Variants in PCCA observed in about 807,000 individuals in gnomAD.
PCCA encodes propionyl-CoA carboxylase subunit alpha.
Under a neutral mutation model 101.3 loss-of-function variants are expected in PCCA, and 74 were observed. The ratio of observed to expected loss-of-function variants is 0.73; its 90% CI spans 0.61 to 0.89. PCCA has a LOEUF of 0.89. PCCA is among the 40% of genes least tolerant of loss of function. The probability of loss-of-function intolerance (pLI) is 0.00; values close to 1 mark genes in which losing one functional copy is unlikely to be tolerated. For synonymous variants in PCCA, 294 were observed against 313.6 expected (o/e 0.94, Z 0.66); for missense variants, 891 against 907.0 (o/e 0.98, Z 0.23).
intron 2 of PCCA, among the ~76,000 whole-genome samples, chr13:100,108,209 A>C (rs902685917): frequency 1.3e-5 from 2 of 152,206 alleles, no homozygotes; most frequent in African/African-American, 4.8e-5. Context: ...GAAAAATAAC[A>C]ACAGCAAAAA....
chr13:100,453,933 C>T (rs553688291), intron 21 of PCCA, among the ~76,000 whole-genome samples: 2 of 152,272 alleles, frequency 1.3e-5, no homozygotes, highest in South Asian at 4.1e-4. Context: ...GGCGCGATCT[C>T]GATATCCGCT....
At chr13:100,218,540 T>C (rs2059645133) in intron 7 of PCCA, among the ~76,000 whole-genome samples, 1 of 152,170 alleles carries the variant, frequency 6.6e-6, no homozygotes, top group Non-Finnish European at 1.5e-5. Context: ...TCCTGGGTCA[T>C]GTGGTAATTC....
intron 16 of PCCA, among the ~76,000 whole-genome samples, chr13:100,325,555 A>G (rs752920003): frequency 2.6e-5 from 4 of 152,290 alleles, no homozygotes; most frequent in African/African-American, 7.2e-5. Flanking sequence ...AAAAAGCCAC[A>G]AGGAACATTT....
intron 17 of PCCA, among the ~76,000 whole-genome samples, chr13:100,334,192 C>G (rs1177892205): frequency 6.6e-6 from 1 of 152,144 alleles, no homozygotes; most frequent in Admixed American, 6.5e-5. Flanking sequence ...TATTGGAATA[C>G]CTCTCCGGGG....
At chr13:100,238,490 A>T (rs1482940910) in intron 8 of PCCA, among the ~76,000 whole-genome samples, 1 of 151,722 alleles carries the variant, frequency 6.6e-6, no homozygotes, top group Non-Finnish European at 1.5e-5. Context: ...TTCCCCAATT[A>T]CTCTCTCTTG....
At chr13:100,488,553 G>A (rs537044051) in intron 21 of PCCA, among the ~76,000 whole-genome samples, 2 of 151,754 alleles carry the variant, frequency 1.3e-5, no homozygotes, top group Admixed American at 6.6e-5. Context: ...CTGGAGGGTC[G>A]CATGAGCTCA....
intron 4 of PCCA, among the ~76,000 whole-genome samples, chr13:100,144,514 CTAGAT>C (rs946908431): frequency 1.3e-5 from 2 of 152,070 alleles, no homozygotes; most frequent in African/African-American, 4.8e-5. Flanking sequence ...TAGATGCTCA[CTAGAT>C]TAGTTGATGC....
chr13:100,397,078 G>A lies in PCCA; in HGVS notation c.1746+28504G>A, dbSNP rs573803665. ...CTTATTCATGGACACTCTACTGAGT[G>A]TCTGTTGCAAACTCCCTGGTATAAA... is the stretch of plus-strand genomic sequence containing the variant. On this transcript the variant is annotated intron_variant, in intron 19 of 23. Coordinates refer to ENST00000376285, the MANE Select transcript of PCCA (RefSeq NM_000282.4). 1.3e-5 allele frequency among the ~76,000 whole-genome samples: 2 copies of A among 152,260 alleles called. 1 individual carries two copies. The highest frequency in any genetic ancestry group is 1.3e-4 in the Admixed American group (2 of 15,298).
intron 4 of PCCA, among the ~76,000 whole-genome samples, chr13:100,145,942 C>T (rs1195914016): frequency 7.2e-6 from 1 of 138,984 alleles, no homozygotes; most frequent in Non-Finnish European, 1.6e-5. Context: ...GATAGTTTTG[C>T]TTTTTTTTTT....
intron 6 of PCCA, among the ~76,000 whole-genome samples, chr13:100,203,395 A>G (rs1455049484): frequency 1.3e-5 from 2 of 152,094 alleles, no homozygotes; most frequent in African/African-American, 2.4e-5. Flanking sequence ...GCCTTATAAA[A>G]ACATTGTATT....
intron 12 of PCCA, among the ~76,000 whole-genome samples, chr13:100,285,555 C>T (rs1213633815): frequency 1.3e-5 from 2 of 152,172 alleles, no homozygotes; most frequent in African/African-American, 4.8e-5. Flanking sequence ...AAGGATCTCA[C>T]TGTCTGGACT....
chr13:100,200,615 A>G (rs1005698361), intron 6 of PCCA, among the ~76,000 whole-genome samples: 42 of 150,524 alleles, frequency 2.8e-4, no homozygotes, highest in African/African-American at 9.2e-4. Flanking sequence ...TGCTTATAAT[A>G]CAATATGTTA....
intron 21 of PCCA, among the ~76,000 whole-genome samples, chr13:100,483,695 C>T (rs56210863): frequency 0.027 from 4,079 of 152,222 alleles, 191 homozygotes; most frequent in African/African-American, 0.093. Flanking sequence ...GAAATGCAAT[C>T]GGTAAATTTT....
chr13:100,499,295 GAA>G (rs1212350644), intron 21 of PCCA, among the ~76,000 whole-genome samples: 1 of 152,236 alleles, frequency 6.6e-6, no homozygotes, highest in African/African-American at 2.4e-5. Flanking sequence ...TTGTATCCCG[GAA>G]GATAATCATT....
At chr13:100,300,610 T>C (rs1280210173) in intron 12 of PCCA, among the ~76,000 whole-genome samples, 1 of 152,252 alleles carries the variant, frequency 6.6e-6, no homozygotes, top group Non-Finnish European at 1.5e-5. Flanking sequence ...TTTAAATTCT[T>C]AGAACTTATT....
rs534985123 is a variant in PCCA, at chr13:100,091,463, T to G, written c.105+2238T>G. On this transcript the variant is annotated intron_variant, in intron 1 of 23. Transcript: ENST00000376285. ...CATTATGTTTGTGCCGGTAAAGAAT[T>G]CCTCCTTGGGGTGGGAAGCATCTCT... Among the ~76,000 whole-genome samples the G allele has an allele frequency of 4.6e-5, 7 of 152,318 alleles. 1 individual carries two copies. In the South Asian group the frequency reaches 8.3e-4, roughly 18 times the overall value.
At chr13:100,348,792 C>CT (rs779293983) in intron 18 of PCCA, among the ~76,000 whole-genome samples, 21 of 55,806 alleles carry the variant, frequency 3.8e-4, no homozygotes, top group Non-Finnish European at 6.4e-4. Flanking sequence ...TTCTTTCTTC[C>CT]TTCCTTCCTT....
intron 19 of PCCA, among the ~76,000 whole-genome samples, chr13:100,423,482 T>G (rs1350327942): frequency 6.6e-6 from 1 of 152,256 alleles, no homozygotes; most frequent in Non-Finnish European, 1.5e-5. Context: ...AGGCCTGTGA[T>G]GGCTTTCCAC....
At chr13:100,269,404 T>C (rs751971377) in intron 11 of PCCA, among the ~76,000 whole-genome samples, 3 of 152,174 alleles carry the variant, frequency 2.0e-5, no homozygotes, top group South Asian at 2.1e-4. Context: ...TTCTGAGATA[T>C]ATGCCTTCTA....
Sources: allele counts gnomAD v4.1 joint callset (sites outside exome capture counted in the v4.1 genomes callset), GRCh38; gene constraint gnomAD v4.1.1; transcripts MANE v1.5; gene names NCBI Gene and HGNC (gene_info 2026-07-23, HGNC 2026-07-21).